DNAH9: variants seen among roughly 807,000 people sequenced by gnomAD.
The protein encoded by DNAH9 is DNAH9 variant protein.
DNAH9 carries 345 observed loss-of-function variants against 471.6 expected under a neutral mutation model. That is an observed-to-expected ratio of 0.73 (90% CI 0.67 to 0.80). The LOEUF is 0.80. Among genes scored for constraint, DNAH9 ranks in the 30% least tolerant of loss-of-function variants. The pLI is 0.00. For missense variants in DNAH9, 5,407 were observed against 5,609.2 expected, an observed-to-expected ratio of 0.96 and a Z score of 1.15; for synonymous variants, 2,093 against 2,123.6, an observed-to-expected ratio of 0.99 and a Z score of 0.40.
intron 48 of DNAH9, among the ~76,000 whole-genome samples, chr17:11,824,874 T>TCTCCTTCTCCTTCTCCTC (rs1970433857): frequency 6.6e-6 from 1 of 151,710 alleles, no homozygotes; most frequent in African/African-American, 2.4e-5. Flanking sequence ...GTCTTCTCCT[T>TCTCCTTCTCCTTCTCCTC]CTCCTTCTCC....
At chr17:11,887,166 T>C (rs1291213361) in intron 57 of DNAH9, among the ~76,000 whole-genome samples, 2 of 152,124 alleles carry the variant, frequency 1.3e-5, no homozygotes, top group African/African-American at 4.8e-5. Context: ...GACTCACGGG[T>C]AATTTTGACT....
At chr17:11,628,864 T>C (rs1303958777) in intron 6 of DNAH9, among the ~76,000 whole-genome samples, 5 of 152,190 alleles carry the variant, frequency 3.3e-5, no homozygotes, top group African/African-American at 7.2e-5. Flanking sequence ...ATTTCACTTA[T>C]TTATGTATGT....
rs369848278 is a variant in DNAH9 at position 11,774,969 on chromosome 17, C to T, written c.7552+5640C>T. On this transcript the variant is annotated intron_variant, in intron 38 of 68. Coordinates refer to ENST00000262442, the MANE Select transcript of DNAH9 (RefSeq NM_001372.4). ...AAATCATCATAATTGAAATAATGAA[C>T]ATAACCGTCACCTCCAAACGTTTCC... Among the ~76,000 whole-genome samples, 23 of 152,104 alleles carry T rather than the reference C, an allele frequency of 1.5e-4. No homozygotes were observed. The East Asian group carries it at 2.3e-3, about 15-fold the overall frequency.
intron 27 of DNAH9, among the ~76,000 whole-genome samples, chr17:11,720,568 AG>A: frequency 6.6e-6 from 1 of 152,370 alleles, no homozygotes; most frequent in East Asian, 1.9e-4. Flanking sequence ...TGCATTAAAT[AG>A]ATTAAACATT....
intron 38 of DNAH9, among the ~76,000 whole-genome samples, chr17:11,771,577 T>C (rs8073752): frequency 0.29 from 44,776 of 152,182 alleles, 10,751 homozygotes; most frequent in African/African-American, 0.67. Flanking sequence ...AAGGCCGAAG[T>C]CATCACATCA....
At chr17:11,767,578 C>T (rs566332405) in intron 36 of DNAH9, among the ~76,000 whole-genome samples, 66 of 152,236 alleles carry the variant, frequency 4.3e-4, no homozygotes, top group African/African-American at 1.5e-3. Flanking sequence ...ATGAATATTT[C>T]CTAAAATGAC....
intron 14 of DNAH9, among the ~76,000 whole-genome samples, chr17:11,656,879 T>C (rs11655714): frequency 0.34 from 51,142 of 151,976 alleles, 8,830 homozygotes; most frequent in Middle Eastern, 0.42. Context: ...AAACTTAGCC[T>C]AGTGTTATTG....
rs370150805 is a variant in DNAH9, at chr17:11,843,841, TTG to T, written c.9507+8965_9507+8966del. ...TTTGTATATATACATGTATATGTGT[TTG>T]TGTGTGTGTGTGTGTGTGTGTATAT... On this transcript the variant is annotated intron_variant, in intron 49 of 68. Transcript: ENST00000262442. Among the ~76,000 whole-genome samples, 92 of 69,842 alleles carry T rather than the reference TTG, an allele frequency of 1.3e-3. 4 individuals are homozygous for T. Among genetic ancestry groups the T allele is most frequent in the African/African-American group, 2.5e-3 (49 of 19,438 alleles). 45.8% of individuals were successfully genotyped at this position (69,842 alleles called of 152,430 possible).
In DNAH9 at chr17:11,719,330, G is replaced by T. The variant is rs752157579; in HGVS notation, c.5553-4G>T. ...GATGACCTATGCCCTCCCGTGTTTGGCAGGTGCTACATCACCCTCACCCAG... is the reference window on the plus strand; with the variant it reads ...GATGACCTATGCCCTCCCGTGTTTGTCAGGTGCTACATCACCCTCACCCAG... On this transcript the variant is annotated splice_polypyrimidine_tract_variant and splice_region_variant and intron_variant, in intron 26 of 68. Transcript: ENST00000262442. 10 of 1,613,536 alleles carry T rather than the reference G, an allele frequency of 6.2e-6. No homozygotes were observed. The East Asian group carries it at 2.2e-4, about 36-fold the overall frequency.
intron 45 of DNAH9, among the ~76,000 whole-genome samples, chr17:11,819,556 T>TAC (rs10655750): frequency 0.049 from 7,487 of 152,194 alleles, 621 homozygotes; most frequent in African/African-American, 0.17. Context: ...TAGCTGAGAC[T>TAC]ACAGGTGCAC....
rs536971654 is a variant in DNAH9, at chr17:11,617,481, T to C, written c.975T>C (p.Asn325=). The change falls in exon 5 of 69, where the codon AAT becomes AAC. Residue 325 remains asparagine (N), a synonymous_variant. Coordinates refer to ENST00000262442, the MANE Select transcript of DNAH9 (RefSeq NM_001372.4). The stretch of plus-strand genomic sequence containing the variant: ...AGCGCCACCTGGAAGCTCTGGAGAA[T>C]GCAGAATTTCCGGAGGTGAAGCCCC... ...PLQRHLEALE[N]AEFPEVKPQL... 30 of 1,614,190 alleles carry C rather than the reference T, an allele frequency of 1.9e-5. No individual in the cohort carries two copies. In the Middle Eastern group the frequency reaches 1.5e-3, roughly 80 times the overall value.
intron 14 of DNAH9, among the ~76,000 whole-genome samples, chr17:11,654,323 T>G (rs1177918073): frequency 2.6e-5 from 1 of 39,100 alleles, no homozygotes; most frequent in East Asian, 5.5e-4. Flanking sequence ...GCCACTGCAC[T>G]CCAGCCTGGG....
chr17:11,686,803 C>T (rs1168257327), intron 19 of DNAH9, among the ~76,000 whole-genome samples: 1 of 152,088 alleles, frequency 6.6e-6, no homozygotes, highest in Admixed American at 6.5e-5. Context: ...CCATGTGCAC[C>T]CCAAATAGCT....
At chr17:11,852,009 T>G (rs1275173227) in intron 49 of DNAH9, among the ~76,000 whole-genome samples, 1 of 152,146 alleles carries the variant, frequency 6.6e-6, no homozygotes, top group Non-Finnish European at 1.5e-5. Context: ...CTCTGTCACC[T>G]CAGGGGGCCG....
intron 55 of DNAH9, chr17:11,883,312 T>G (rs1972787172): frequency 1.0e-5 from 12 of 1,167,166 alleles, no homozygotes; most frequent in Non-Finnish European, 1.3e-5. Flanking sequence ...TGTTGCCCAT[T>G]GTGCATTAAG....
chr17:11,681,276 G>A (rs1403957335), intron 19 of DNAH9, among the ~76,000 whole-genome samples: 1 of 152,152 alleles, frequency 6.6e-6, no homozygotes, highest in African/African-American at 2.4e-5. Flanking sequence ...ATTTTACAGA[G>A]CATTTCATTT....
chr17:11,619,098 G>A (rs2150654821), intron 5 of DNAH9, among the ~76,000 whole-genome samples: 1 of 152,362 alleles, frequency 6.6e-6, no homozygotes, highest in Non-Finnish European at 1.5e-5. Flanking sequence ...GCCAGACCCA[G>A]GGACCCACCC....
At chr17:11,802,743 C>T (rs1022386691) in intron 43 of DNAH9, among the ~76,000 whole-genome samples, 1 of 151,782 alleles carries the variant, frequency 6.6e-6, no homozygotes, top group Non-Finnish European at 1.5e-5. Context: ...GGATCCAAGG[C>T]GAGAACCTAT....
In DNAH9 at chr17:11,943,404, C is replaced by T. The variant is rs147043811; in HGVS notation, c.12843+919C>T. Among the ~76,000 whole-genome samples the T allele has an allele frequency of 8.3e-3, 1,265 of 152,012 alleles. 19 individuals are homozygous for T. The highest frequency in any genetic ancestry group is 0.028 in the African/African-American group (1,179 of 41,480). Reference sequence around the variant, plus strand: ...CTGCAAAATCTAGGTTAGGGCCGGGCGCGGTGGCTCGTGCCTGTAATCCCA... The same window carrying T: ...CTGCAAAATCTAGGTTAGGGCCGGGTGCGGTGGCTCGTGCCTGTAATCCCA... On this transcript the variant is annotated intron_variant, in intron 67 of 68. Transcript: ENST00000262442.
Sources: gnomAD v4.1 joint callset for allele counts (sites outside exome capture counted in the v4.1 genomes callset) on GRCh38, gnomAD v4.1.1 for gene constraint, MANE v1.5 for transcripts, NCBI Gene and HGNC (gene_info 2026-07-23, HGNC 2026-07-21) for gene names.